The following TMC1 variants were observed in gnomAD, a reference collection of about 807,000 sequenced individuals.
TMC1 encodes transmembrane channel-like protein 1.
In TMC1, 84 loss-of-function variants were observed where a neutral mutation model predicts 105.8. The ratio of observed to expected loss-of-function variants is 0.79; its 90% CI spans 0.67 to 0.95. TMC1 has a LOEUF of 0.95. Among genes scored for constraint, TMC1 ranks in the 40% least tolerant of loss-of-function variants. TMC1 has a pLI of 0.00. For synonymous variants in TMC1, 315 were observed against 311.5 expected, an observed-to-expected ratio of 1.01 and a Z score of -0.12; for missense variants, 817 against 914.1, an observed-to-expected ratio of 0.89 and a Z score of 1.37.
intron 12 of TMC1, among the ~76,000 whole-genome samples, chr9:72,768,991 A>G (rs1827882553): frequency 6.6e-6 from 1 of 152,142 alleles, no homozygotes; most frequent in Admixed American, 6.6e-5. Flanking sequence ...GGGTTCATAG[A>G]GTTTCTTGTT....
chr9:72,679,604 A>G (rs924019814), intron 5 of TMC1, among the ~76,000 whole-genome samples: 8 of 152,214 alleles, frequency 5.3e-5, no homozygotes, highest in African/African-American at 1.9e-4. Flanking sequence ...GTGTCTGGTG[A>G]GAGCCTACAC....
chr9:72,558,689 T>A (rs1319585129), intron 1 of TMC1, among the ~76,000 whole-genome samples: 1 of 152,218 alleles, frequency 6.6e-6, no homozygotes, highest in South Asian at 2.1e-4. Context: ...TTATCTGGTT[T>A]ACATGCTTTT....
At chr9:72,831,168 T>C (rs576590302) in intron 23 of TMC1, among the ~76,000 whole-genome samples, 1 of 152,332 alleles carries the variant, frequency 6.6e-6, no homozygotes, top group Admixed American at 6.5e-5. Context: ...TTTTAAAGTA[T>C]TAGAGTAAAG....
chr9:72,542,923 C>T (rs1299509792), intron 1 of TMC1, among the ~76,000 whole-genome samples: 1 of 151,990 alleles, frequency 6.6e-6, no homozygotes, highest in Admixed American at 6.5e-5. Flanking sequence ...TCATGATCCA[C>T]CCACCTTGGC....
chr9:72,608,255 A>C (rs1564441604), intron 2 of TMC1, among the ~76,000 whole-genome samples: 1 of 152,232 alleles, frequency 6.6e-6, no homozygotes, highest in Non-Finnish European at 1.5e-5. Context: ...GAGTTCACTC[A>C]TGTTCGTATT....
chr9:72,648,774 G>C, intron 5 of TMC1, 110 bp downstream of exon 5: 1 of 960,904 alleles, frequency 1.0e-6, no homozygotes, highest in South Asian at 1.3e-5. Flanking sequence ...CCTCTTTTGG[G>C]GCTTTCCCTT....
At chr9:72,786,928 A>G (rs961257744) in intron 13 of TMC1, among the ~76,000 whole-genome samples, 2 of 152,134 alleles carry the variant, frequency 1.3e-5, no homozygotes, top group African/African-American at 4.8e-5. Flanking sequence ...TGACAGTGCA[A>G]AAACTGGATA....
At chr9:72,782,268 A>G (rs1180693361) in intron 13 of TMC1, among the ~76,000 whole-genome samples, 3 of 152,216 alleles carry the variant, frequency 2.0e-5, no homozygotes, top group Non-Finnish European at 4.4e-5. Context: ...ACATCCTTTC[A>G]TGTTAAAAAC....
chr9:72,591,835 G>T (rs1235658397), intron 2 of TMC1, among the ~76,000 whole-genome samples: 1 of 152,132 alleles, frequency 6.6e-6, no homozygotes, highest in African/African-American at 2.4e-5. Flanking sequence ...CTCCCAAAGT[G>T]CTGGGATTAT....
chr9:72,818,713 A>G (rs546731846), intron 19 of TMC1: 9 of 152,208 alleles, frequency 5.9e-5, no homozygotes, highest in South Asian at 2.1e-4. Context: ...AAGTGTTACA[A>G]TGATTTTTAC....
At chr9:72,755,511 C>T (rs187707404) in intron 12 of TMC1, among the ~76,000 whole-genome samples, 111 of 152,230 alleles carry the variant, frequency 7.3e-4, no homozygotes, top group African/African-American at 2.5e-3. Flanking sequence ...ATGAGCATTA[C>T]TCCTTGAGCT....
chr9:72,825,270 C>T (rs1828934665), intron 20 of TMC1, among the ~76,000 whole-genome samples: 1 of 152,196 alleles, frequency 6.6e-6, no homozygotes, highest in Non-Finnish European at 1.5e-5. Flanking sequence ...GACAGGCCTC[C>T]TCATAAACTG....
At chr9:72,683,735 A>T (rs1249398815) in intron 5 of TMC1, among the ~76,000 whole-genome samples, 1 of 57,694 alleles carries the variant, frequency 1.7e-5, no homozygotes, top group African/African-American at 8.5e-5. Flanking sequence ...TACACATTTT[A>T]TATATATATA....
chr9:72,578,128 A>C (rs918222896), intron 2 of TMC1, 105 bp downstream of exon 2: 1 of 152,122 alleles, frequency 6.6e-6, no homozygotes, highest in Non-Finnish European at 1.5e-5. Flanking sequence ...TGATCCACCT[A>C]AGGGTACTGG....
intron 1 of TMC1, among the ~76,000 whole-genome samples, chr9:72,532,957 G>A (rs1382098606): frequency 6.6e-6 from 1 of 152,208 alleles, no homozygotes; most frequent in Non-Finnish European, 1.5e-5. Context: ...GCTACTTGGA[G>A]TAGAGGATCC....
intron 12 of TMC1, among the ~76,000 whole-genome samples, chr9:72,764,739 G>A (rs1189965369): frequency 1.3e-5 from 2 of 152,134 alleles, no homozygotes; most frequent in African/African-American, 4.8e-5. Context: ...ATGATTACCA[G>A]AAGCAATTTT....
intron 2 of TMC1, among the ~76,000 whole-genome samples, chr9:72,592,160 A>C (rs566129001): frequency 5.7e-4 from 87 of 152,314 alleles, no homozygotes; most frequent in African/African-American, 1.9e-3. Flanking sequence ...AGTTTTCTGA[A>C]TTTCACAACT....
At chr9:72,729,073 G>A (rs1343898335) in intron 8 of TMC1, among the ~76,000 whole-genome samples, 3 of 151,992 alleles carry the variant, frequency 2.0e-5, no homozygotes, top group Middle Eastern at 3.2e-3. Flanking sequence ...GTCATCCTGA[G>A]TCTGAAGAAT....
intron 12 of TMC1, among the ~76,000 whole-genome samples, chr9:72,761,387 T>G (rs535756443): frequency 6.6e-6 from 1 of 152,206 alleles, no homozygotes; most frequent in East Asian, 1.9e-4. Context: ...TGGGTAAAGG[T>G]TTAAGTTGTG....
Sources: allele counts gnomAD v4.1 joint callset (sites outside exome capture counted in the v4.1 genomes callset), GRCh38; gene constraint gnomAD v4.1.1; transcripts MANE v1.5; gene names NCBI Gene and HGNC (gene_info 2026-07-23, HGNC 2026-07-21).